Variants in SNTG1 observed in about 807,000 individuals in gnomAD.
SNTG1 encodes gamma-1-syntrophin.
SNTG1 carries 39 observed loss-of-function variants against 74.7 expected under a neutral mutation model. The observed-to-expected ratio is 0.52, with a 90% CI of 0.40 to 0.68. The LOEUF (loss-of-function observed/expected upper bound fraction) is 0.68. SNTG1 is among the 30% of genes least tolerant of loss of function. The probability of loss-of-function intolerance (pLI) is 0.00; values close to 1 mark genes in which losing one functional copy is unlikely to be tolerated. For missense variants in SNTG1, 685 were observed against 609.5 expected (o/e 1.12, Z -1.30); for synonymous variants, 254 against 217.1 (o/e 1.17, Z -1.49).
rs1410129275 is a variant in SNTG1 at position 49,953,225 on chromosome 8, C to T, written c.-103+40994C>T. Among the ~76,000 whole-genome samples, 5 of 152,272 alleles carry T rather than the reference C, an allele frequency of 3.3e-5. No homozygotes were observed. The South Asian group carries it at 1.0e-3, about 32-fold the overall frequency. On this transcript the variant is annotated intron_variant, in intron 1 of 18. Transcript: ENST00000642720. ...GCAGAATAGACTGTGACAGACAGGG[C>T]TCTAACAGGAAACAATGAAGTCAAA...
chr8:50,394,856 T>TTA, intron 3 of SNTG1, among the ~76,000 whole-genome samples: 1 of 151,956 alleles, frequency 6.6e-6, no homozygotes, highest in East Asian at 1.9e-4. Flanking sequence ...CTTTTTTTTT[T>TTA]TTTTTTACTA....
chr8:50,514,755 G>T (rs1238570056), intron 9 of SNTG1, among the ~76,000 whole-genome samples: 1 of 152,134 alleles, frequency 6.6e-6, no homozygotes, highest in Non-Finnish European at 1.5e-5. Context: ...AGTGCTTAGT[G>T]TCACACATGT....
At chr8:50,384,982 C>A (rs2092551236) in intron 2 of SNTG1, among the ~76,000 whole-genome samples, 1 of 152,048 alleles carries the variant, frequency 6.6e-6, no homozygotes, top group Admixed American at 6.6e-5. Context: ...TAGCCAATAG[C>A]AGAAAAAGAG....
chr8:50,442,957 T>C (rs1476466535), intron 5 of SNTG1, among the ~76,000 whole-genome samples: 1 of 152,134 alleles, frequency 6.6e-6, no homozygotes, highest in Non-Finnish European at 1.5e-5. Flanking sequence ...CTGGTTCTTC[T>C]CCCAGCCCCA....
intron 2 of SNTG1, among the ~76,000 whole-genome samples, chr8:50,214,636 G>A (rs4873135): frequency 0.43 from 65,432 of 151,874 alleles, 17,842 homozygotes; most frequent in African/African-American, 0.78. Flanking sequence ...TCTGCTCCTG[G>A]TAATTTCCTT....
intron 13 of SNTG1, among the ~76,000 whole-genome samples, chr8:50,605,446 T>A (rs1212428736): frequency 1.3e-5 from 2 of 152,204 alleles, no homozygotes; most frequent in East Asian, 1.9e-4. Context: ...AATTCCTTTC[T>A]GGCTGCTCCG....
chr8:50,121,365 C>G (rs1160988566), intron 1 of SNTG1, among the ~76,000 whole-genome samples: 1 of 141,762 alleles, frequency 7.1e-6, no homozygotes, highest in Non-Finnish European at 1.6e-5. Context: ...GTGTTCCTAC[C>G]TAGTTCTATG....
intron 2 of SNTG1, among the ~76,000 whole-genome samples, chr8:50,223,805 T>A (rs1350830258): frequency 6.6e-6 from 1 of 152,104 alleles, no homozygotes; most frequent in South Asian, 2.1e-4. Context: ...TTCAGGAACA[T>A]GACAAAAATG....
At chr8:50,291,234 A>G (rs904515836) in intron 2 of SNTG1, among the ~76,000 whole-genome samples, 1 of 108,268 alleles carries the variant, frequency 9.2e-6, no homozygotes, top group Admixed American at 1.0e-4. Flanking sequence ...AGAGAGAGAG[A>G]CAGACATATG....
chr8:50,324,789 T>C (rs76998743), intron 2 of SNTG1, among the ~76,000 whole-genome samples: 8,987 of 152,018 alleles, frequency 0.059, 302 homozygotes, highest in Non-Finnish European at 0.071. Context: ...TTTCATGAAC[T>C]ATGCCTCTGG....
At chr8:50,487,624 G>A (rs1474147159) in intron 8 of SNTG1, among the ~76,000 whole-genome samples, 1 of 151,786 alleles carries the variant, frequency 6.6e-6, no homozygotes, top group Non-Finnish European at 1.5e-5. Context: ...ACTCGTAGGT[G>A]GGAATTGAAC....
intron 13 of SNTG1, among the ~76,000 whole-genome samples, chr8:50,610,976 C>CA (rs34743525): frequency 0.81 from 122,358 of 151,242 alleles, 49,940 homozygotes; most frequent in African/African-American, 0.91. Flanking sequence ...TAAGAAATAG[C>CA]AAAAAAAAAT....
At chr8:50,334,456 C>A (rs2091072361) in intron 2 of SNTG1, among the ~76,000 whole-genome samples, 1 of 151,790 alleles carries the variant, frequency 6.6e-6, no homozygotes. Flanking sequence ...CTGTAATTGT[C>A]CTGTTCTGCA....
At chr8:50,158,988 C>T (rs1298737910) in intron 1 of SNTG1, among the ~76,000 whole-genome samples, 1 of 152,046 alleles carries the variant, frequency 6.6e-6, no homozygotes, top group African/African-American at 2.4e-5. Flanking sequence ...CATTTATTGT[C>T]TGTGTTTGCT....
chr8:50,328,694 G>C (rs1266414470), intron 2 of SNTG1, among the ~76,000 whole-genome samples: 1 of 152,104 alleles, frequency 6.6e-6, no homozygotes, highest in Non-Finnish European at 1.5e-5. Flanking sequence ...TAGATGTGTG[G>C]ATTTTATAAT....
At chr8:50,336,119 A>C (rs191270274) in intron 2 of SNTG1, among the ~76,000 whole-genome samples, 3 of 152,298 alleles carry the variant, frequency 2.0e-5, no homozygotes, top group Admixed American at 2.0e-4. Context: ...TTTTATCCAC[A>C]TTCCATTGGC....
At chr8:50,648,084 C>G (rs984974447) in intron 13 of SNTG1, among the ~76,000 whole-genome samples, 2 of 152,120 alleles carry the variant, frequency 1.3e-5, no homozygotes, top group Non-Finnish European at 2.9e-5. Context: ...ACTCCCTTTT[C>G]CTGTTTGGCA....
At chr8:50,088,109 A>C (rs1823084847) in intron 1 of SNTG1, among the ~76,000 whole-genome samples, 1 of 150,090 alleles carries the variant, frequency 6.7e-6, no homozygotes, top group East Asian at 2.0e-4. Context: ...AAGGACACGA[A>C]CTCATCATTT....
At chr8:50,334,102 G>A (rs1417621273) in intron 2 of SNTG1, among the ~76,000 whole-genome samples, 1 of 152,110 alleles carries the variant, frequency 6.6e-6, no homozygotes, top group African/African-American at 2.4e-5. Flanking sequence ...TTGCCATGTT[G>A]GCCAGGCTGG....
Sources: gnomAD v4.1 joint callset for allele counts (sites outside exome capture counted in the v4.1 genomes callset) on GRCh38, gnomAD v4.1.1 for gene constraint, MANE v1.5 for transcripts, NCBI Gene and HGNC (gene_info 2026-07-23, HGNC 2026-07-21) for gene names.